The following TENM2 variants were observed in gnomAD, a reference collection of about 807,000 sequenced individuals.
TENM2 encodes teneurin-2.
Under a neutral mutation model 245.2 loss-of-function variants are expected in TENM2, and 52 were observed. That is an observed-to-expected ratio of 0.21 (90% confidence interval 0.17 to 0.27). The LOEUF (loss-of-function observed/expected upper bound fraction) is 0.27. Ranked by LOEUF, TENM2 falls within the 10% of genes least tolerant of loss-of-function variation. The probability of loss-of-function intolerance (pLI) is 1.00; values close to 1 mark genes in which losing one functional copy is unlikely to be tolerated. For missense variants in TENM2, 3,046 were observed against 3,666.8 expected, an observed-to-expected ratio of 0.83 and a Z score of 4.37; for synonymous variants, 1,363 against 1,438.9, an observed-to-expected ratio of 0.95 and a Z score of 1.19.
intron 2 of TENM2, among the ~76,000 whole-genome samples, chr5:167,726,746 A>G (rs1298413781): frequency 1.3e-5 from 2 of 152,180 alleles, no homozygotes; most frequent in Non-Finnish European, 2.9e-5. Context: ...GACATGAGCC[A>G]CTATGCTGGG....
chr5:167,657,130 C>T (rs1029177973), intron 2 of TENM2, among the ~76,000 whole-genome samples: 5 of 152,130 alleles, frequency 3.3e-5, no homozygotes, highest in African/African-American at 9.7e-5. Flanking sequence ...CTATGTTTCC[C>T]AGCCTCTGGT....
At chr5:168,028,129 A>G (rs938253978) in intron 5 of TENM2, among the ~76,000 whole-genome samples, 3 of 152,202 alleles carry the variant, frequency 2.0e-5, no homozygotes, top group Non-Finnish European at 2.9e-5. Flanking sequence ...TATGGAGGGC[A>G]CTAGCACTCA....
chr5:167,295,065 G>A (rs995876521), intron 1 of TENM2, among the ~76,000 whole-genome samples: 1 of 152,162 alleles, frequency 6.6e-6, no homozygotes, highest in African/African-American at 2.4e-5. Flanking sequence ...TGACTCCTAT[G>A]AATAGGGAAA....
intron 21 of TENM2, among the ~76,000 whole-genome samples, chr5:168,216,147 TGTAC>T (rs1320854799): frequency 6.6e-5 from 10 of 152,140 alleles, no homozygotes; most frequent in Non-Finnish European, 1.2e-4. Context: ...GGCAAAGCCT[TGTAC>T]TTGGGCACTG....
At chr5:167,664,691 A>G (rs1755455633) in intron 2 of TENM2, among the ~76,000 whole-genome samples, 1 of 152,212 alleles carries the variant, frequency 6.6e-6, no homozygotes, top group Non-Finnish European at 1.5e-5. Flanking sequence ...TATTTTAAGA[A>G]TCATAAGAAC....
chr5:167,231,845 G>A, the TENM2 span, among the ~76,000 whole-genome samples: 1 of 151,816 alleles, frequency 6.6e-6, no homozygotes, highest in Non-Finnish European at 1.5e-5. Context: ...TCACAGGCCT[G>A]GAGGCCTAGG....
chr5:167,301,956 G>A (rs1755356658), intron 1 of TENM2, among the ~76,000 whole-genome samples: 1 of 152,036 alleles, frequency 6.6e-6, no homozygotes, highest in African/African-American at 2.4e-5. Flanking sequence ...ACCTAGCTCG[G>A]CCTGGCAAAG....
At chr5:167,308,272 G>A (rs1210499195) in intron 1 of TENM2, among the ~76,000 whole-genome samples, 1 of 152,150 alleles carries the variant, frequency 6.6e-6, no homozygotes, top group Non-Finnish European at 1.5e-5. Context: ...GGTGAGCCAT[G>A]CAACATGGGA....
intron 3 of TENM2, among the ~76,000 whole-genome samples, chr5:167,904,191 G>C (rs1258232615): frequency 6.6e-6 from 1 of 152,124 alleles, no homozygotes; most frequent in African/African-American, 2.4e-5. Context: ...CTTTGTCTTA[G>C]AACTCTTGGA....
chr5:168,162,396 G>C (rs1002779677), intron 12 of TENM2, among the ~76,000 whole-genome samples: 1 of 152,224 alleles, frequency 6.6e-6, no homozygotes, highest in African/African-American at 2.4e-5. Context: ...ACCTAGGTCA[G>C]TTGTCACTGG....
intron 5 of TENM2, among the ~76,000 whole-genome samples, chr5:168,028,865 C>T (rs1165931163): frequency 6.6e-6 from 1 of 151,588 alleles, no homozygotes; most frequent in Non-Finnish European, 1.5e-5. Context: ...TAACTAGGGT[C>T]CCTAAAAGTG....
At chr5:168,259,431 A>G (rs1228866578) in intron 27 of TENM2, among the ~76,000 whole-genome samples, 1 of 151,996 alleles carries the variant, frequency 6.6e-6, no homozygotes, top group Non-Finnish European at 1.5e-5. Context: ...CTACTGAAAA[A>G]TACAAAATTA....
chr5:167,908,616 C>T (rs1223051351), intron 3 of TENM2, among the ~76,000 whole-genome samples: 10 of 101,986 alleles, frequency 9.8e-5, no homozygotes. Flanking sequence ...CCTCTCTCCT[C>T]CTCTCCCCTC....
At chr5:168,144,762 T>C (rs560139312) in intron 12 of TENM2, among the ~76,000 whole-genome samples, 67 of 152,348 alleles carry the variant, frequency 4.4e-4, no homozygotes, top group African/African-American at 1.5e-3. Flanking sequence ...CCACACTGAC[T>C]TCCACATGGT....
At chr5:167,949,339 A>G (rs1460691201) in intron 3 of TENM2, among the ~76,000 whole-genome samples, 1 of 152,120 alleles carries the variant, frequency 6.6e-6, no homozygotes, top group Non-Finnish European at 1.5e-5. Flanking sequence ...ACTATGCAAA[A>G]TCTCAACTTT....
chr5:167,168,861 G>A, the TENM2 span, among the ~76,000 whole-genome samples: 6 of 152,190 alleles, frequency 3.9e-5, no homozygotes, highest in African/African-American at 7.2e-5. Context: ...CTGGATTCAA[G>A]CGATTCTCCT....
At chr5:167,682,245 C>A (rs923206870) in intron 2 of TENM2, among the ~76,000 whole-genome samples, 4 of 151,846 alleles carry the variant, frequency 2.6e-5, no homozygotes, top group African/African-American at 9.7e-5. Context: ...TCACTGCAAC[C>A]TCCATCTCCC....
At chr5:167,549,322 T>C (rs969550204) in intron 2 of TENM2, among the ~76,000 whole-genome samples, 50 of 152,122 alleles carry the variant, frequency 3.3e-4, no homozygotes, top group Admixed American at 2.8e-3. Flanking sequence ...AATGAAAATA[T>C]CTGTGTCCTA....
At chr5:167,681,744 A>T in intron 2 of TENM2, among the ~76,000 whole-genome samples, 1 of 152,190 alleles carries the variant, frequency 6.6e-6, no homozygotes, top group East Asian at 1.9e-4. Context: ...CCAATTTGTT[A>T]TCCCACCATT....
Sources: gnomAD v4.1 joint callset for allele counts (sites outside exome capture counted in the v4.1 genomes callset) on GRCh38, gnomAD v4.1.1 for gene constraint, MANE v1.5 for transcripts, NCBI Gene and HGNC (gene_info 2026-07-23, HGNC 2026-07-21) for gene names.